The following MTX2 variants were observed in gnomAD, a reference collection of about 807,000 sequenced individuals.
MTX2 encodes the protein metaxin 2.
A neutral mutation model predicts 42.3 loss-of-function variants in MTX2; 35 were observed. The observed-to-expected ratio is 0.83, with a 90% CI of 0.63 to 1.10. The LOEUF is 1.10. Among genes scored for constraint, MTX2 ranks in the 50% least tolerant of loss-of-function variants. The probability of loss-of-function intolerance (pLI) is 0.00; values close to 1 mark genes in which losing one functional copy is unlikely to be tolerated. For missense variants in MTX2, 307 were observed against 304.1 expected (o/e 1.01, Z -0.07); for synonymous variants, 119 against 100.9 (o/e 1.18, Z -1.08).
chr2:176,279,160 G>A (rs1039315317), intron 1 of MTX2, among the ~76,000 whole-genome samples: 5 of 152,004 alleles, frequency 3.3e-5, no homozygotes, highest in Non-Finnish European at 5.9e-5. Context: ...ACTTGTATAA[G>A]CCAAAGAATT....
At chr2:176,314,039 T>G (rs1684379452) in intron 3 of MTX2, among the ~76,000 whole-genome samples, 1 of 151,952 alleles carries the variant, frequency 6.6e-6, no homozygotes, top group South Asian at 2.1e-4. Flanking sequence ...AACTGTGTAT[T>G]GCTTCTTCTT....
chr2:176,290,330 G>A (rs918942288), intron 1 of MTX2, among the ~76,000 whole-genome samples: 15 of 152,156 alleles, frequency 9.9e-5, no homozygotes, highest in African/African-American at 3.1e-4. Flanking sequence ...TGTTCCCCCC[G>A]CAAGCTTTCT....
chr2:176,306,259 G>T (rs1311225128), intron 3 of MTX2, among the ~76,000 whole-genome samples: 1 of 152,156 alleles, frequency 6.6e-6, no homozygotes, highest in Admixed American at 6.5e-5. Context: ...TTTTATGGCT[G>T]CATAGTATTC....
At chr2:176,274,653 G>T (rs1172625561) in intron 1 of MTX2, among the ~76,000 whole-genome samples, 1 of 152,196 alleles carries the variant, frequency 6.6e-6, no homozygotes, top group Non-Finnish European at 1.5e-5. Flanking sequence ...AAGGCGGGCA[G>T]TCAGGAGCCG....
intron 1 of MTX2, among the ~76,000 whole-genome samples, chr2:176,275,041 C>T (rs931522938): frequency 6.6e-6 from 1 of 152,172 alleles, no homozygotes; most frequent in Admixed American, 6.5e-5. Context: ...AAAGCCATCA[C>T]ACGTGTGTGT....
intron 1 of MTX2, among the ~76,000 whole-genome samples, chr2:176,272,742 T>G: frequency 6.6e-6 from 1 of 152,312 alleles, no homozygotes; most frequent in South Asian, 2.1e-4. Context: ...AATATTCAAC[T>G]AATTGTAACT....
intron 4 of MTX2, among the ~76,000 whole-genome samples, chr2:176,324,122 G>A (rs544977594): frequency 3.8e-4 from 58 of 151,464 alleles, no homozygotes; most frequent in Non-Finnish European, 6.8e-4. Flanking sequence ...TATCATGGAT[G>A]ATTATTGTAA....
At chr2:176,335,807 G>A (rs1288056765) in intron 9 of MTX2, among the ~76,000 whole-genome samples, 2 of 152,102 alleles carry the variant, frequency 1.3e-5, no homozygotes, top group South Asian at 2.1e-4. Flanking sequence ...ACACATCTTA[G>A]TCAAGATGCT....
chr2:176,334,053 A>G (rs752155992), intron 9 of MTX2, among the ~76,000 whole-genome samples: 1 of 151,814 alleles, frequency 6.6e-6, no homozygotes, highest in Non-Finnish European at 1.5e-5. Context: ...GTAACTTGCC[A>G]CAAAGTTGCT....
At chr2:176,271,977 C>T (rs1169713010) in intron 1 of MTX2, among the ~76,000 whole-genome samples, 1 of 151,950 alleles carries the variant, frequency 6.6e-6, no homozygotes, top group Non-Finnish European at 1.5e-5. Context: ...TTCACAATAG[C>T]CAAGATATGG....
At chr2:176,270,436 A>T in intron 1 of MTX2, 1 of 1,342,876 alleles carries the variant, frequency 7.4e-7, no homozygotes, top group East Asian at 4.6e-5. Context: ...AATTTCTCTT[A>T]TTGAGGTTTT....
chr2:176,328,262 GT>G, intron 5 of MTX2, 30 bp from the exon 6 acceptor site: 1 of 1,397,338 alleles, frequency 7.2e-7, no homozygotes, highest in Non-Finnish European at 9.7e-7. Context: ...TTAATATGAT[GT>G]TCTTTTAAAT....
intron 1 of MTX2, among the ~76,000 whole-genome samples, chr2:176,280,733 C>G (rs1330276860): frequency 1.3e-5 from 2 of 152,164 alleles, no homozygotes; most frequent in Admixed American, 1.3e-4. Context: ...ACAAGTCAGT[C>G]AATGTTGCAA....
intron 1 of MTX2, among the ~76,000 whole-genome samples, chr2:176,290,611 A>G (rs1693305114): frequency 6.6e-6 from 1 of 152,160 alleles, no homozygotes; most frequent in Non-Finnish European, 1.5e-5. Context: ...GGTGTGGATA[A>G]TAATTCTCAT....
intron 1 of MTX2, among the ~76,000 whole-genome samples, chr2:176,291,050 A>C (rs148852777): frequency 6.6e-6 from 1 of 152,126 alleles, no homozygotes; most frequent in Non-Finnish European, 1.5e-5. Context: ...TGTCCTTATC[A>C]ATAAAAATTT....
intron 9 of MTX2, among the ~76,000 whole-genome samples, chr2:176,333,908 G>C (rs1191970540): frequency 6.6e-6 from 1 of 151,726 alleles, no homozygotes; most frequent in Non-Finnish European, 1.5e-5. Flanking sequence ...GTTTGTGTAA[G>C]TAGACTCTAT....
At chr2:176,309,740 T>C (rs932558370) in intron 3 of MTX2, among the ~76,000 whole-genome samples, 1 of 146,442 alleles carries the variant, frequency 6.8e-6, no homozygotes, top group Non-Finnish European at 1.5e-5. Flanking sequence ...TTTTTTTTTT[T>C]GCCTTCCATT....
At chr2:176,284,866 C>T (rs758299064) in intron 1 of MTX2, among the ~76,000 whole-genome samples, 19 of 152,198 alleles carry the variant, frequency 1.2e-4, no homozygotes, top group Non-Finnish European at 2.2e-4. Flanking sequence ...TGTTCACAGA[C>T]CATCTGCATC....
chr2:176,297,959 C>T (rs1040222724), intron 3 of MTX2, 64 bp downstream of exon 3: 2 of 1,278,380 alleles, frequency 1.6e-6, no homozygotes, highest in South Asian at 1.7e-5. Flanking sequence ...TTTTGACTTG[C>T]AGTTATATTT....
Sources: gnomAD v4.1 joint callset for allele counts (sites outside exome capture counted in the v4.1 genomes callset) on GRCh38, gnomAD v4.1.1 for gene constraint, MANE v1.5 for transcripts, NCBI Gene and HGNC (gene_info 2026-07-23, HGNC 2026-07-21) for gene names.